The following KCNMB2 variants were observed in gnomAD, a reference collection of about 807,000 sequenced individuals.
KCNMB2 encodes the protein potassium calcium-activated channel subfamily M regulatory beta subunit 2.
Under a neutral mutation model 24.5 loss-of-function variants are expected in KCNMB2, and 9 were observed. The observed-to-expected ratio is 0.37, with a 90% CI of 0.22 to 0.64. The LOEUF (loss-of-function observed/expected upper bound fraction) is 0.64. Ranked by LOEUF, KCNMB2 falls within the 30% of genes least tolerant of loss-of-function variation. The pLI is 0.63. For missense variants in KCNMB2, 226 were observed against 284.3 expected (o/e 0.79, Z 1.47); for synonymous variants, 109 against 104.4 (o/e 1.04, Z -0.27).
At chr3:178,837,389 A>G (rs934997212) in intron 4 of KCNMB2, among the ~76,000 whole-genome samples, 1 of 152,194 alleles carries the variant, frequency 6.6e-6, no homozygotes, top group African/African-American at 2.4e-5. Context: ...CTGAGAGGCC[A>G]CATAACTTGC....
chr3:178,811,313 T>C (rs1191999766), intron 2 of KCNMB2, among the ~76,000 whole-genome samples: 1 of 152,186 alleles, frequency 6.6e-6, no homozygotes, highest in Non-Finnish European at 1.5e-5. Context: ...GCTTTCCCAA[T>C]ACTATTCTAC....
At chr3:178,635,032 A>G (rs1337316854) in intron 1 of KCNMB2, among the ~76,000 whole-genome samples, 1 of 151,998 alleles carries the variant, frequency 6.6e-6, no homozygotes, top group African/African-American at 2.4e-5. Flanking sequence ...GATGGAAGGG[A>G]ATTGAATTCT....
chr3:178,778,863 A>T (rs1712706985), intron 1 of KCNMB2, among the ~76,000 whole-genome samples: 1 of 152,218 alleles, frequency 6.6e-6, no homozygotes, highest in South Asian at 2.1e-4. Context: ...TGGAGTGTCA[A>T]GACATGTTAT....
At chr3:178,825,423 T>C (rs978232806) in intron 2 of KCNMB2, among the ~76,000 whole-genome samples, 165 bp from the exon 3 acceptor site, 39 of 152,186 alleles carry the variant, frequency 2.6e-4, no homozygotes, top group Admixed American at 2.5e-3. Flanking sequence ...TGTGTGTACA[T>C]GCATGTGTGT....
At chr3:178,554,832 T>A (rs899786245) in intron 1 of KCNMB2, among the ~76,000 whole-genome samples, 5 of 152,190 alleles carry the variant, frequency 3.3e-5, no homozygotes, top group South Asian at 2.1e-4. Flanking sequence ...GAAAGCAATG[T>A]CTTGGTTTTC....
Position 178,724,921 on chromosome 3 carries a change from C to T in KCNMB2, c.-67-82422C>T, listed in dbSNP as rs145730688. ...GTTACTGTAGCTTTGTAGTATAGTT[C>T]GAAGTTGGGTAATCTGATGCCTCCA... is the stretch of plus-strand genomic sequence containing the variant. On this transcript the variant is annotated intron_variant, in intron 1 of 4. Coordinates refer to ENST00000452583, the MANE Select transcript of KCNMB2 (RefSeq NM_181361.3). Among the ~76,000 whole-genome samples the T allele has an allele frequency of 5.8e-3, 878 of 151,936 alleles. 11 individuals are homozygous for T. The highest frequency in any genetic ancestry group is 6.7e-3 in the Non-Finnish European group (455 of 67,828).
chr3:178,687,698 C>T (rs1262898821), intron 1 of KCNMB2, among the ~76,000 whole-genome samples: 1 of 152,080 alleles, frequency 6.6e-6, no homozygotes, highest in East Asian at 1.9e-4. Context: ...TGTTCATGAG[C>T]AGCCAAGAGA....
chr3:178,799,513 T>C (rs919612519), intron 1 of KCNMB2, among the ~76,000 whole-genome samples: 2 of 152,048 alleles, frequency 1.3e-5, no homozygotes, highest in Non-Finnish European at 2.9e-5. Flanking sequence ...AAAACAATGA[T>C]GCAAAAAATT....
chr3:178,752,787 T>C (rs565587701), intron 1 of KCNMB2, among the ~76,000 whole-genome samples: 2 of 152,320 alleles, frequency 1.3e-5, no homozygotes, highest in Non-Finnish European at 2.9e-5. Context: ...AAATTAAAGA[T>C]GACACGATAT....
intron 1 of KCNMB2, among the ~76,000 whole-genome samples, chr3:178,764,001 A>G (rs1055034207): frequency 9.9e-5 from 15 of 152,180 alleles, no homozygotes; most frequent in African/African-American, 3.6e-4. Context: ...GGATTATTTT[A>G]TAGGTAAGAA....
At chr3:178,751,462 C>G (rs1723843654) in intron 1 of KCNMB2, among the ~76,000 whole-genome samples, 1 of 150,030 alleles carries the variant, frequency 6.7e-6, no homozygotes, top group Admixed American at 6.7e-5. Context: ...CACCTGTAAT[C>G]CCAGCTACTT....
At chr3:178,643,413 A>G (rs2108551097) in intron 1 of KCNMB2, among the ~76,000 whole-genome samples, 1 of 152,320 alleles carries the variant, frequency 6.6e-6, no homozygotes, top group South Asian at 2.1e-4. Context: ...ACATACATGC[A>G]TGTATAACTG....
At chr3:178,592,427 G>C (rs1417128334) in intron 1 of KCNMB2, among the ~76,000 whole-genome samples, 1 of 151,816 alleles carries the variant, frequency 6.6e-6, no homozygotes, top group Non-Finnish European at 1.5e-5. Flanking sequence ...AATACTTATG[G>C]TTATCTCACA....
At chr3:178,592,235 C>T (rs973056792) in intron 1 of KCNMB2, among the ~76,000 whole-genome samples, 1 of 152,110 alleles carries the variant, frequency 6.6e-6, no homozygotes, top group Non-Finnish European at 1.5e-5. Flanking sequence ...TGATCTCTCA[C>T]CCTTAGCCCT....
At chr3:178,656,447 G>GT (rs1279765251) in intron 1 of KCNMB2, among the ~76,000 whole-genome samples, 1 of 152,088 alleles carries the variant, frequency 6.6e-6, no homozygotes, top group African/African-American at 2.4e-5. Flanking sequence ...AATAGCAAAG[G>GT]TAACAGGGTG....
At chr3:178,784,059 T>A (rs923818415) in intron 1 of KCNMB2, among the ~76,000 whole-genome samples, 6 of 152,166 alleles carry the variant, frequency 3.9e-5, no homozygotes, top group Non-Finnish European at 5.9e-5. Flanking sequence ...CTGATGTCTA[T>A]TTTCCCAAGA....
At chr3:178,829,802 A>T (rs895584722) in intron 4 of KCNMB2, among the ~76,000 whole-genome samples, 2 of 152,188 alleles carry the variant, frequency 1.3e-5, no homozygotes, top group East Asian at 3.8e-4. Flanking sequence ...AGCTACCAAT[A>T]AATGTCCCAG....
Position 178,590,084 on chromosome 3 carries a change from A to G in KCNMB2, c.-68+53373A>G, listed in dbSNP as rs575833709. On this transcript the variant is annotated intron_variant, in intron 1 of 4. Transcript: ENST00000452583. ...ATGACAGTGAGAGGTAAGGTTTGGT[A>G]TGAGACTAAAATGTTATTCCATTGA... is the stretch of plus-strand genomic sequence containing the variant. Among the ~76,000 whole-genome samples, 4 of 152,334 alleles carry G rather than the reference A, an allele frequency of 2.6e-5. No homozygotes were observed. The East Asian group carries it at 7.7e-4, about 29-fold the overall frequency.
Position 178,750,755 on chromosome 3 carries a change from T to C in KCNMB2, c.-67-56588T>C, listed in dbSNP as rs1481746053. Among the ~76,000 whole-genome samples the C allele has an allele frequency of 2.0e-5, 3 of 152,362 alleles. No individual in the cohort carries two copies. In the South Asian group the frequency reaches 6.2e-4, roughly 32 times the overall value. On this transcript the variant is annotated intron_variant, in intron 1 of 4. Transcript: ENST00000452583. ...CAGTAGGAGCTTATGGGGTACCCAG[T>C]TGGCAGAGCCTCATTAGGTAATAAG...
Sources: gnomAD v4.1 joint callset for allele counts (sites outside exome capture counted in the v4.1 genomes callset) on GRCh38, gnomAD v4.1.1 for gene constraint, MANE v1.5 for transcripts, NCBI Gene and HGNC (gene_info 2026-07-23, HGNC 2026-07-21) for gene names.